Variants in KLHL42 observed in about 807,000 individuals in gnomAD.
KLHL42 encodes kelch-like protein 42.
Under a neutral mutation model 32.7 loss-of-function variants are expected in KLHL42, and 27 were observed. The observed-to-expected ratio is 0.83, with a 90% CI of 0.61 to 1.14. The LOEUF is 1.14. KLHL42 is among the 50% of genes most tolerant of loss of function. The probability of loss-of-function intolerance (pLI) is 0.00; values close to 1 mark genes in which losing one functional copy is unlikely to be tolerated. For missense variants in KLHL42, 491 were observed against 560.8 expected, an observed-to-expected ratio of 0.88 and a Z score of 1.26; for synonymous variants, 267 against 248.2, an observed-to-expected ratio of 1.08 and a Z score of -0.71.
At chr12:27,790,020 T>C (rs950284615) in intron 1 of KLHL42, among the ~76,000 whole-genome samples, 8 of 152,190 alleles carry the variant, frequency 5.3e-5, no homozygotes, top group African/African-American at 1.9e-4. Context: ...ATTGAACACT[T>C]TTTAGGGGAT....
rs759174886 is a variant in KLHL42, at chr12:27,780,805, G to C, written c.475G>C (p.Glu159Gln). 1 of 1,613,756 alleles carries C rather than the reference G, an allele frequency of 6.2e-7. No homozygotes were observed. Among genetic ancestry groups the C allele is most frequent in the Non-Finnish European group, 8.5e-7 (1 of 1,180,018 alleles). ...GCGCTTCATGGTCGTCCACTTCCAC[G>C]AGGTGCTGTGCAAGCCCCAGTTCCA... Reference protein sequence around the residue: ...CLRFMVVHFHEVLCKPQFHLL... With the variant: ...CLRFMVVHFHQVLCKPQFHLL... Residue 159 changes from glutamate to glutamine, a missense_variant, in exon 1 of 3, where the codon GAG becomes CAG. Glu to Gln is a conservative substitution (Grantham distance 29). Around this residue, in one of 4 missense-constraint regions of KLHL42, gnomAD observed 248 missense variants for 329.2 expected, o/e 0.75. Transcript: ENST00000381271. This position sits in a 1 kb window ranked among gnomAD's most constrained non-coding sequence, Gnocchi z 8.8.
intron 1 of KLHL42, among the ~76,000 whole-genome samples, chr12:27,782,939 A>C (rs758784597): frequency 1.4e-4 from 22 of 152,146 alleles, no homozygotes; most frequent in Non-Finnish European, 2.5e-4. Flanking sequence ...ATGTATAAAC[A>C]TTTATACTGT....
Position 27,780,682 on chromosome 12 carries a change from C to T in KLHL42, c.352C>T (p.Leu118=). The part of the protein sequence containing the change: ...AASFLQVTSL[L]QLLLSQVRLN... Reference sequence around the variant, plus strand: ...CTCCTTCCTGCAGGTCACGTCCCTGCTGCAGCTGCTGCTGTCCCAGGTGCG... The same window carrying T: ...CTCCTTCCTGCAGGTCACGTCCCTGTTGCAGCTGCTGCTGTCCCAGGTGCG... The change falls in exon 1 of 3, where the codon CTG becomes TTG. Residue 118 remains leucine, a synonymous_variant. Coordinates refer to ENST00000381271, the MANE Select transcript of KLHL42 (RefSeq NM_020782.2). This position sits in a 1 kb window ranked among gnomAD's most constrained non-coding sequence, Gnocchi z 8.8. 3.1e-6 allele frequency: 5 copies of T among 1,603,586 alleles called. No individual in the cohort carries two copies. The highest frequency in any genetic ancestry group is 4.3e-6 in the Non-Finnish European group (5 of 1,173,916).
At position 27,798,685 on chromosome 12, in the gene KLHL42, A is replaced by G. The variant is rs2140825276; in HGVS notation, c.*519A>G. 1 of 152,066 alleles carries G rather than the reference A, an allele frequency of 6.6e-6. No individual in the cohort carries two copies. Among genetic ancestry groups the G allele is most frequent in the African/African-American group, 2.4e-5 (1 of 41,104 alleles). 9.4% of individuals were successfully genotyped at this position (152,066 alleles called of 1,614,324 possible). ...TATGTTTAGGGTTCTGTGTTCAGAT[A>G]TTTTGTTTGCACACTACTTTTTAGG... On this transcript the variant is annotated 3_prime_UTR_variant, in exon 3 of 3. Coordinates refer to ENST00000381271, the MANE Select transcript of KLHL42 (RefSeq NM_020782.2).
At chr12:27,785,925 A>G (rs1370257399) in intron 1 of KLHL42, among the ~76,000 whole-genome samples, 4 of 152,224 alleles carry the variant, frequency 2.6e-5, no homozygotes, top group Non-Finnish European at 5.9e-5. Flanking sequence ...CAGTCATTAT[A>G]TTTATTTAGA....
intron 2 of KLHL42, chr12:27,797,134 C>CAAA (rs543472917): frequency 0.046 from 16,887 of 368,904 alleles, 234 homozygotes; most frequent in Non-Finnish European, 0.07. Flanking sequence ...TAAAAAAAAA[C>CAAA]AAAAAAAAAA....
chr12:27,791,799 G>C lies in KLHL42; in HGVS notation c.964G>C (p.Asp322His). Residue 322 changes from aspartate (D) to histidine (H), a missense_variant, in exon 2 of 3, where the codon GAT (aspartate) becomes CAT (histidine). Physicochemically the swap from Asp to His is moderately conservative, Grantham distance 81 (BLOSUM62 -1). Transcript: ENST00000381271. ...CGTTGAGTGTTACAACCCCGAGCAG[G>C]ATGCGTGGAATTTTGTGGCGCCCTT... ...SNVECYNPEQ[D>H]AWNFVAPLPN... The C allele has an allele frequency of 6.2e-7, 1 of 1,614,224 alleles. No individual in the cohort carries two copies. Among genetic ancestry groups the C allele is most frequent in the Non-Finnish European group, 8.5e-7 (1 of 1,180,028 alleles).
At position 27,802,009 on chromosome 12, in the gene KLHL42, T is replaced by G. The variant is rs557112034; in HGVS notation, c.*3843T>G. On this transcript the variant is annotated 3_prime_UTR_variant, in exon 3 of 3. Coordinates refer to ENST00000381271, the MANE Select transcript of KLHL42 (RefSeq NM_020782.2). ...TTTTGTCTGGCACATTGGGGCTCGG[T>G]GGTCTGGTGGTCCCTTCGGTCTTGG... 6.6e-6 allele frequency: 1 copy of G among 152,334 alleles called. No individual in the cohort carries two copies. Among genetic ancestry groups the G allele is most frequent in the South Asian group, 2.1e-4 (1 of 4,810 alleles). The allele number at this position is 152,334 out of a possible 1,614,324, so 9.4% of individuals were successfully genotyped here.
rs973376334 is a variant in KLHL42, at chr12:27,802,304, A to T, written c.*4138A>T. The T allele has an allele frequency of 6.6e-6, 1 of 152,228 alleles. No individual in the cohort carries two copies. Among genetic ancestry groups the T allele is most frequent in the Non-Finnish European group, 1.5e-5 (1 of 68,034 alleles). The allele number at this position is 152,228 out of a possible 1,614,324, so 9.4% of individuals were successfully genotyped here. ...TGAAAAGGAGGAGTGAAGCTGGGGAAGTTAGTATCTAAGAGGGGCAAGCTG... is the reference window on the plus strand; with the variant it reads ...TGAAAAGGAGGAGTGAAGCTGGGGATGTTAGTATCTAAGAGGGGCAAGCTG... On this transcript the variant is annotated 3_prime_UTR_variant, in exon 3 of 3. Transcript: ENST00000381271.
At position 27,799,054 on chromosome 12, in the gene KLHL42, T is replaced by C. The variant is rs889908412; in HGVS notation, c.*888T>C. On this transcript the variant is annotated 3_prime_UTR_variant, in exon 3 of 3. Transcript: ENST00000381271. ...GCCTTTAAGAGTTACTTTTGTTGAA[T>C]GTATTTGACTTAGTTCTTATTTTAA... 1 of 152,666 alleles carries C rather than the reference T, an allele frequency of 6.6e-6. No homozygotes were observed. Among genetic ancestry groups the C allele is most frequent in the Admixed American group, 6.5e-5 (1 of 15,290 alleles). 9.5% of individuals were successfully genotyped at this position (152,666 alleles called of 1,614,324 possible).
rs1050516555 is a variant in KLHL42 at position 27,798,221 on chromosome 12, G to T, written c.*55G>T. The T allele has an allele frequency of 1.4e-6, 1 of 720,964 alleles. No individual in the cohort carries two copies. Among genetic ancestry groups the T allele is most frequent in the African/African-American group, 1.7e-5 (1 of 57,518 alleles). 44.7% of individuals were successfully genotyped at this position (720,964 alleles called of 1,614,324 possible). A position where few individuals can be genotyped will look rare whatever the true frequency, so the allele number is the denominator to read the frequency against. On this transcript the variant is annotated 3_prime_UTR_variant, in exon 3 of 3. Coordinates refer to ENST00000381271, the MANE Select transcript of KLHL42 (RefSeq NM_020782.2). ...TGGTTCAAGTTTTTTTTAAAATGTG[G>T]TGTCCCATTCCAAGGGAGACCAATT...
In KLHL42 at chr12:27,781,067, A is replaced by G. The variant is rs539596707; in HGVS notation, c.737A>G (p.Tyr246Cys). The G allele has an allele frequency of 6.2e-6, 10 of 1,614,090 alleles. No homozygotes were observed. In the African/African-American group the frequency reaches 6.7e-5, roughly 11 times the overall value. ...LPPDLVNVRG[Y>C]GSAILDNYLF... ...CCCGACCTGGTCAATGTCAGGGGCT[A>G]TGGGTCTGCCATCCTGGACAACTAC... The change falls in exon 1 of 3, where the codon TAT (tyrosine) becomes TGT (cysteine). Residue 246 changes from tyrosine to cysteine, a missense_variant. Physicochemically the swap from Tyr to Cys is radical, Grantham distance 194. This residue lies in a region of KLHL42 where 248 missense variants were observed against 329.2 expected (regional missense o/e 0.75). Coordinates refer to ENST00000381271, the MANE Select transcript of KLHL42 (RefSeq NM_020782.2).
rs1180942154 is a variant in KLHL42 at position 27,801,886 on chromosome 12, TA to T, written c.*3723del. ...CAATGCTAAGAACAGAATACAGACA[TA>T]AATAAGTCACGGCCCATGACCTTGA... On this transcript the variant is annotated 3_prime_UTR_variant, in exon 3 of 3. Coordinates refer to ENST00000381271, the MANE Select transcript of KLHL42 (RefSeq NM_020782.2). 2 of 152,086 alleles carry T rather than the reference TA, an allele frequency of 1.3e-5. No individual in the cohort carries two copies. The highest frequency in any genetic ancestry group is 2.9e-5 in the Non-Finnish European group (2 of 68,024). The allele number at this position is 152,086 out of a possible 1,614,324, so 9.4% of individuals were successfully genotyped here.
chr12:27,783,438 A>C (rs1236526592), intron 1 of KLHL42, among the ~76,000 whole-genome samples: 1 of 152,174 alleles, frequency 6.6e-6, no homozygotes, highest in African/African-American at 2.4e-5. Context: ...ATTAATGTGC[A>C]CGGGGGTGTA....
At chr12:27,790,536 G>A (rs142460838) in intron 1 of KLHL42, among the ~76,000 whole-genome samples, 57 of 152,222 alleles carry the variant, frequency 3.7e-4, no homozygotes, top group African/African-American at 1.3e-3. Flanking sequence ...GTGCTATATC[G>A]AAACAAATTA....
intron 1 of KLHL42, among the ~76,000 whole-genome samples, chr12:27,783,527 A>T (rs147956159): frequency 1.7e-4 from 26 of 152,314 alleles, no homozygotes; most frequent in Non-Finnish European, 3.5e-4. Flanking sequence ...CCATTTAACC[A>T]TATCTGAGAG....
chr12:27,782,516 T>A (rs903346923), intron 1 of KLHL42, among the ~76,000 whole-genome samples: 1 of 152,204 alleles, frequency 6.6e-6, no homozygotes, highest in Non-Finnish European at 1.5e-5. Context: ...GTATCAGAAG[T>A]GTTATTTTAA....
At chr12:27,796,980 T>A (rs2062221613) in intron 2 of KLHL42, among the ~76,000 whole-genome samples, 1 of 152,166 alleles carries the variant, frequency 6.6e-6, no homozygotes, top group Non-Finnish European at 1.5e-5. Flanking sequence ...ACCTTTTATC[T>A]AGACGTTGAT....
At chr12:27,793,227 C>T (rs2062204851) in intron 2 of KLHL42, among the ~76,000 whole-genome samples, 1 of 151,868 alleles carries the variant, frequency 6.6e-6, no homozygotes, top group African/African-American at 2.4e-5. Context: ...GGCAACATAG[C>T]AAGACACCTT....
Sources: allele counts gnomAD v4.1 joint callset (sites outside exome capture counted in the v4.1 genomes callset), GRCh38; gene constraint gnomAD v4.1.1; regional missense constraint gnomAD v4.1.1; non-coding constraint Gnocchi (gnomAD v3.1); transcripts MANE v1.5; gene names NCBI Gene and HGNC (gene_info 2026-07-23, HGNC 2026-07-21).